Variants in KLKB1 observed in about 807,000 individuals in gnomAD.
KLKB1 encodes kallikrein B1.
KLKB1 carries 58 observed loss-of-function variants against 73.6 expected under a neutral mutation model. The observed-to-expected ratio is 0.79, with a 90% CI of 0.64 to 0.98. The LOEUF (loss-of-function observed/expected upper bound fraction) is 0.98. KLKB1 is among the 50% of genes least tolerant of loss of function. The probability of loss-of-function intolerance (pLI) is 0.00; values close to 1 mark genes in which losing one functional copy is unlikely to be tolerated. For synonymous variants in KLKB1, 280 were observed against 258.1 expected (o/e 1.08, Z -0.81); for missense variants, 737 against 763.8 (o/e 0.96, Z 0.41).
intron 6 of KLKB1, among the ~76,000 whole-genome samples, chr4:186,243,515 T>C (rs755551420): frequency 3.3e-5 from 5 of 152,220 alleles, no homozygotes; most frequent in Non-Finnish European, 7.3e-5. Context: ...CTTATCAGCA[T>C]AGGCATTGTC....
At chr4:186,256,109 T>C (rs116435142) in intron 13 of KLKB1, 22 bp downstream of exon 13, 8 of 1,463,988 alleles carry the variant, frequency 5.5e-6, no homozygotes, top group Non-Finnish European at 6.7e-6. Flanking sequence ...GCTTTAAATA[T>C]TGCTTCTAGA....
chr4:186,239,921 G>A lies in KLKB1; in HGVS notation c.598+1556G>A, dbSNP rs1397453671. ...TGATACTGTTATAGTTATAGGTACAGTGATATTGTTATAGTTATAGGAAAC... is the reference window on the plus strand; with the variant it reads ...TGATACTGTTATAGTTATAGGTACAATGATATTGTTATAGTTATAGGAAAC... On this transcript the variant is annotated intron_variant, in intron 6 of 14. Coordinates refer to ENST00000264690, the MANE Select transcript of KLKB1 (RefSeq NM_000892.5). Among the ~76,000 whole-genome samples the A allele has an allele frequency of 1.3e-5, 2 of 148,642 alleles. 1 individual carries two copies. The highest frequency in any genetic ancestry group is 4.0e-4 in the East Asian group (2 of 4,986).
chr4:186,211,652 G>C (rs1579979352), intron 2 of KLKB1: 1 of 70,554 alleles, frequency 1.4e-5, no homozygotes, highest in East Asian at 4.6e-4. Flanking sequence ...TGGTGACTCA[G>C]GAATACACAC....
At chr4:186,215,350 T>TTTCTTTC (rs1736864103) in intron 2 of KLKB1, among the ~76,000 whole-genome samples, 1 of 45,136 alleles carries the variant, frequency 2.2e-5, no homozygotes, top group Non-Finnish European at 6.0e-5. Flanking sequence ...CTTTCTTTCC[T>TTTCTTTC]TCTTTCTTTC....
intron 11 of KLKB1, among the ~76,000 whole-genome samples, chr4:186,253,923 C>A (rs1738843195): frequency 6.6e-6 from 1 of 152,106 alleles, no homozygotes; most frequent in Non-Finnish European, 1.5e-5. Context: ...GCAGCCTCTG[C>A]CTCCCGGGTT....
intron 6 of KLKB1, among the ~76,000 whole-genome samples, chr4:186,238,709 G>T (rs1737838882): frequency 6.6e-6 from 1 of 152,206 alleles, no homozygotes; most frequent in Non-Finnish European, 1.5e-5. Flanking sequence ...AGTTGAAAAG[G>T]GCGAGGAAAG....
Position 186,233,945 on chromosome 4 carries a change from A to AAAAT in KLKB1, c.222-5_222-2dup. 1 of 1,600,238 alleles carries AAAAT rather than the reference A, an allele frequency of 6.2e-7. No individual in the cohort carries two copies. The highest frequency in any genetic ancestry group is 8.6e-7 in the Non-Finnish European group (1 of 1,167,468). ...CTACTTCCTAAGTAAAGCTACTTTT[A>AAAAT]AAATAGGTTTGGTTGCTTCTTGAAA... On this transcript the variant is annotated splice_region_variant and splice_polypyrimidine_tract_variant and intron_variant, in intron 3 of 14. Coordinates refer to ENST00000264690, the MANE Select transcript of KLKB1 (RefSeq NM_000892.5).
Position 186,249,812 on chromosome 4 carries a change from T to C in KLKB1, c.599-431T>C, listed in dbSNP as rs201664273. On this transcript the variant is annotated intron_variant, in intron 6 of 14. Coordinates refer to ENST00000264690, the MANE Select transcript of KLKB1 (RefSeq NM_000892.5). ...TAATGTAATGATAATAAAAGTGGATTGTCTCCTGTTCTAATTTTAATAGGC... is the reference window on the plus strand; with the variant it reads ...TAATGTAATGATAATAAAAGTGGATCGTCTCCTGTTCTAATTTTAATAGGC... Among the ~76,000 whole-genome samples the C allele has an allele frequency of 9.2e-5, 14 of 152,354 alleles. No individual in the cohort carries two copies. The East Asian group carries it at 2.7e-3, about 29-fold the overall frequency.
intron 4 of KLKB1, among the ~76,000 whole-genome samples, chr4:186,234,359 A>G (rs1737549916): frequency 6.6e-6 from 1 of 152,166 alleles, no homozygotes; most frequent in Non-Finnish European, 1.5e-5. Context: ...TTTTTAAGAA[A>G]ACACAAGGGA....
Position 186,256,719 on chromosome 4 carries a change from G to A in KLKB1, c.1586-507G>A, listed in dbSNP as rs1489626582. Among the ~76,000 whole-genome samples, 3 of 152,094 alleles carry A rather than the reference G, an allele frequency of 2.0e-5. No individual in the cohort carries two copies. In the South Asian group the frequency reaches 6.2e-4, roughly 32 times the overall value. On this transcript the variant is annotated intron_variant, in intron 13 of 14. Transcript: ENST00000264690. Reference sequence around the variant, plus strand: ...AAAGACCCCTCTGTTGCCAAAGCTCGGAGGGCTTTTCAGAAACGATATAGT... The same window carrying A: ...AAAGACCCCTCTGTTGCCAAAGCTCAGAGGGCTTTTCAGAAACGATATAGT...
At chr4:186,212,899 G>A (rs1392226567) in intron 2 of KLKB1, 1 of 152,134 alleles carries the variant, frequency 6.6e-6, no homozygotes, top group Admixed American at 6.5e-5. Flanking sequence ...AAGGAAGGAG[G>A]TGATACAATT....
chr4:186,255,882 C>A, intron 12 of KLKB1, 110 bp from the exon 13 acceptor site: 3 of 758,020 alleles, frequency 4.0e-6, no homozygotes, highest in South Asian at 3.2e-5. Context: ...AAAAATTATT[C>A]TTGATGCTAC....
upstream of KLKB1, among the ~76,000 whole-genome samples, chr4:186,225,205 G>C (rs10014399): frequency 0.83 from 126,023 of 152,054 alleles, 52,434 homozygotes; most frequent in East Asian, 0.92. Context: ...AATTCTTTTT[G>C]TCTCCTTCCT....
intron 2 of KLKB1, among the ~76,000 whole-genome samples, chr4:186,218,318 A>T (rs1736954551): frequency 6.6e-6 from 1 of 152,130 alleles, no homozygotes; most frequent in African/African-American, 2.4e-5. Flanking sequence ...ATCCATACCC[A>T]TCCATTATTC....
chr4:186,254,778 TAAG>T lies in KLKB1; in HGVS notation c.1489+19_1489+21del, dbSNP rs1201622880. On this transcript the variant is annotated intron_variant, in intron 12 of 14. Coordinates refer to ENST00000264690, the MANE Select transcript of KLKB1 (RefSeq NM_000892.5). ...GAATTACACTGGTATGTAGCATATG[TAAG>T]AAGGTGGAGAGCAGAATTGCGCTGG... is the stretch of plus-strand genomic sequence containing the variant. 1 of 1,605,274 alleles carries T rather than the reference TAAG, an allele frequency of 6.2e-7. No homozygotes were observed. Among genetic ancestry groups the T allele is most frequent in the Non-Finnish European group, 8.5e-7 (1 of 1,172,256 alleles).
intron 11 of KLKB1, among the ~76,000 whole-genome samples, chr4:186,253,333 A>C (rs1330300840): frequency 1.3e-5 from 2 of 152,200 alleles, no homozygotes; most frequent in African/African-American, 2.4e-5. Context: ...ACTAGGATTG[A>C]ACATACTGCC....
intron 2 of KLKB1, among the ~76,000 whole-genome samples, chr4:186,218,831 G>A (rs1177483680): frequency 6.6e-6 from 1 of 152,148 alleles, no homozygotes; most frequent in South Asian, 2.1e-4. Flanking sequence ...TGACTCACAC[G>A]ATCACAAGGT....
chr4:186,255,623 C>T (rs549406536), intron 12 of KLKB1, among the ~76,000 whole-genome samples: 1 of 152,260 alleles, frequency 6.6e-6, no homozygotes, highest in South Asian at 2.1e-4. Flanking sequence ...TAATTTCTTC[C>T]TGGGTCTGTT....
chr4:186,242,046 C>G (rs1268335526), intron 6 of KLKB1, among the ~76,000 whole-genome samples: 1 of 151,616 alleles, frequency 6.6e-6, no homozygotes, highest in African/African-American at 2.4e-5. Flanking sequence ...AGGCTGAGTC[C>G]GAAAAGAGAG....
Sources: gnomAD v4.1 joint callset for allele counts (sites outside exome capture counted in the v4.1 genomes callset) on GRCh38, gnomAD v4.1.1 for gene constraint, MANE v1.5 for transcripts, NCBI Gene and HGNC (gene_info 2026-07-23, HGNC 2026-07-21) for gene names.